BMPER: variants seen among roughly 807,000 people sequenced by gnomAD.
The protein encoded by BMPER is BMP-binding endothelial regulator protein.
Under a neutral mutation model 87.3 loss-of-function variants are expected in BMPER, and 45 were observed. The observed-to-expected ratio is 0.52, with a 90% CI of 0.41 to 0.66. BMPER has a LOEUF of 0.66. BMPER is among the 30% of genes least tolerant of loss of function. The pLI is 0.00. For synonymous variants in BMPER, 326 were observed against 316.2 expected (o/e 1.03, Z -0.33); for missense variants, 784 against 867.5 (o/e 0.90, Z 1.21).
At chr7:33,970,999 A>G (rs769312191) in intron 5 of BMPER, among the ~76,000 whole-genome samples, 1 of 152,154 alleles carries the variant, frequency 6.6e-6, no homozygotes, top group Non-Finnish European at 1.5e-5. Context: ...GGCCTCCTGC[A>G]TCTTTTCCTG....
intron 6 of BMPER, among the ~76,000 whole-genome samples, chr7:34,037,050 GT>G (rs1787693222): frequency 6.6e-6 from 1 of 152,034 alleles, no homozygotes; most frequent in Non-Finnish European, 1.5e-5. Context: ...TTCAAATGGA[GT>G]TTAGTGGCTG....
intron 2 of BMPER, among the ~76,000 whole-genome samples, chr7:33,907,943 T>C (rs926975675): frequency 2.4e-4 from 37 of 152,270 alleles, no homozygotes; most frequent in African/African-American, 8.9e-4. Flanking sequence ...GATAAATGGG[T>C]GAAGGTAAAT....
intron 3 of BMPER, among the ~76,000 whole-genome samples, chr7:33,944,196 C>T (rs369654042): frequency 1.4e-4 from 22 of 152,074 alleles, no homozygotes; most frequent in Admixed American, 3.9e-4. Context: ...AGACAGGTCT[C>T]GCTCTGTCGC....
intron 8 of BMPER, among the ~76,000 whole-genome samples, chr7:34,053,156 G>C (rs1788190451): frequency 6.6e-6 from 1 of 152,184 alleles, no homozygotes; most frequent in Non-Finnish European, 1.5e-5. Context: ...TTCCTTGAGA[G>C]ATGATTAGGT....
intron 6 of BMPER, among the ~76,000 whole-genome samples, chr7:34,019,309 C>T (rs1787118949): frequency 6.6e-6 from 1 of 152,012 alleles, no homozygotes; most frequent in Non-Finnish European, 1.5e-5. Flanking sequence ...GGAAACTGTA[C>T]ATGTTAGCAG....
chr7:34,105,221 C>T (rs1284622111), intron 13 of BMPER, among the ~76,000 whole-genome samples: 7 of 152,140 alleles, frequency 4.6e-5, no homozygotes, highest in Admixed American at 6.6e-5. Context: ...GGAAGCATGA[C>T]GTGCACAATG....
intron 6 of BMPER, among the ~76,000 whole-genome samples, chr7:34,021,342 A>G (rs60378123): frequency 0.12 from 18,093 of 152,056 alleles, 1,454 homozygotes; most frequent in African/African-American, 0.23. Flanking sequence ...TATTCCCTCA[A>G]AAGATTTTAA....
chr7:33,966,925 G>GTA (rs1785421097), intron 4 of BMPER, among the ~76,000 whole-genome samples: 2 of 152,336 alleles, frequency 1.3e-5, no homozygotes, highest in Admixed American at 6.5e-5. Flanking sequence ...GTTAAAGGAT[G>GTA]TATGTTTCAC....
intron 13 of BMPER, among the ~76,000 whole-genome samples, chr7:34,111,940 G>A (rs1028445909): frequency 2.0e-5 from 3 of 152,060 alleles, no homozygotes; most frequent in East Asian, 1.9e-4. Flanking sequence ...TCGAACTCCC[G>A]ACCTCAGGTG....
intron 2 of BMPER, among the ~76,000 whole-genome samples, chr7:33,909,634 G>A (rs1366494386): frequency 1.4e-5 from 2 of 142,190 alleles, no homozygotes; most frequent in Non-Finnish European, 3.0e-5. Flanking sequence ...TGGCAGAAAG[G>A]TACCTAAGGC....
At position 34,011,614 on chromosome 7, in the gene BMPER, A is replaced by G. The variant is rs543778967; in HGVS notation, c.577-34692A>G. Among the ~76,000 whole-genome samples, 583 of 150,678 alleles carry G rather than the reference A, an allele frequency of 3.9e-3. 7 individuals carry two copies. The highest frequency in any genetic ancestry group is 0.013 in the African/African-American group (529 of 41,194). On this transcript the variant is annotated intron_variant, in intron 6 of 14. Transcript: ENST00000649409. ...AAAAAAAAAAAAAAAAGAAAAAAAA[A>G]GAAAGAAAAAAGAAACAAAGAAAGC...
rs1337191596 is a variant in BMPER, at chr7:34,139,254, G to A, written c.1746-3976G>A. The stretch of plus-strand genomic sequence containing the variant: ...AATGAAATACAAGTGTGAGGGCAAC[G>A]CAAAGTGAATCCAGCCGAAGTCTGT... On this transcript the variant is annotated intron_variant, in intron 13 of 14. Coordinates refer to ENST00000649409, the MANE Select transcript of BMPER (RefSeq NM_001365308.1). 2.0e-5 allele frequency among the ~76,000 whole-genome samples: 3 copies of A among 152,148 alleles called. No homozygotes were observed. The East Asian group carries it at 5.8e-4, about 29-fold the overall frequency.
At chr7:34,013,579 A>G (rs1786939761) in intron 6 of BMPER, among the ~76,000 whole-genome samples, 1 of 151,938 alleles carries the variant, frequency 6.6e-6, no homozygotes, top group African/African-American at 2.4e-5. Flanking sequence ...CATGATTTTA[A>G]AAGTAAATTT....
chr7:34,072,536 C>T (rs983211227), intron 11 of BMPER, among the ~76,000 whole-genome samples: 6 of 152,050 alleles, frequency 3.9e-5, no homozygotes, highest in Non-Finnish European at 8.8e-5. Flanking sequence ...AGGTTGAGTC[C>T]CTTTCACACT....
chr7:34,073,724 G>GA (rs1788793073), intron 11 of BMPER, among the ~76,000 whole-genome samples: 1 of 152,326 alleles, frequency 6.6e-6, no homozygotes, highest in East Asian at 1.9e-4. Flanking sequence ...CCCCTAAAAG[G>GA]AAAAACATAG....
intron 3 of BMPER, among the ~76,000 whole-genome samples, chr7:33,938,779 A>T (rs1784675567): frequency 6.6e-6 from 1 of 152,182 alleles, no homozygotes; most frequent in African/African-American, 2.4e-5. Flanking sequence ...TAATCCCAGC[A>T]CTTTGGGAGG....
chr7:33,907,757 A>G (rs1370791544), intron 2 of BMPER, among the ~76,000 whole-genome samples: 1 of 152,246 alleles, frequency 6.6e-6, no homozygotes, highest in African/African-American at 2.4e-5. Flanking sequence ...TGTTGGAAAT[A>G]CATTAAGGCA....
chr7:33,992,163 G>A (rs1315858297), intron 6 of BMPER, among the ~76,000 whole-genome samples: 3 of 149,082 alleles, frequency 2.0e-5, no homozygotes, highest in Non-Finnish European at 4.5e-5. Flanking sequence ...TTCAATTCCT[G>A]GGTATCCTTG....
chr7:34,055,533 T>G (rs1377782098), intron 9 of BMPER, among the ~76,000 whole-genome samples: 2 of 152,230 alleles, frequency 1.3e-5, no homozygotes, highest in African/African-American at 4.8e-5. Flanking sequence ...GATGTTTTTC[T>G]TGACTATATT....
Sources: allele counts gnomAD v4.1 joint callset (sites outside exome capture counted in the v4.1 genomes callset), GRCh38; gene constraint gnomAD v4.1.1; transcripts MANE v1.5; gene names NCBI Gene and HGNC (gene_info 2026-07-23, HGNC 2026-07-21).